CAMTA1: variants seen among roughly 807,000 people sequenced by gnomAD.
CAMTA1 encodes the protein calmodulin-binding transcription activator 1.
CAMTA1 carries 27 observed loss-of-function variants against 170.9 expected under a neutral mutation model. The observed-to-expected ratio is 0.16, with a 90% CI of 0.12 to 0.22. CAMTA1 has a LOEUF of 0.22. Among genes scored for constraint, CAMTA1 ranks in the 10% least tolerant of loss-of-function variants. CAMTA1 has a pLI of 1.00. For missense variants in CAMTA1, 1,619 were observed against 2,217.2 expected, an observed-to-expected ratio of 0.73 and a Z score of 5.42; for synonymous variants, 833 against 891.5, an observed-to-expected ratio of 0.93 and a Z score of 1.17.
Position 7,293,311 on chromosome 1 carries a change from G to T in CAMTA1, c.438+43685G>T, listed in dbSNP as rs1673430509. Among the ~76,000 whole-genome samples, 1 of 152,202 alleles carries T rather than the reference G, an allele frequency of 6.6e-6. No homozygotes were observed. Among genetic ancestry groups the T allele is most frequent in the Admixed American group, 6.5e-5 (1 of 15,280 alleles). On this transcript the variant is annotated intron_variant, in intron 5 of 22. Transcript: ENST00000303635. This position sits in a 1 kb window ranked among gnomAD's most constrained non-coding sequence, Gnocchi z 4.1. ...TGCTGTGACAAGGGATAACGTGCTG[G>T]CAGGCCACTTGTCCAAGAGAATCAT...
At chr1:7,462,063 G>C (rs1213338264) in intron 5 of CAMTA1, among the ~76,000 whole-genome samples, 1 of 152,212 alleles carries the variant, frequency 6.6e-6, no homozygotes, top group Non-Finnish European at 1.5e-5. Context: ...ATCCACACTT[G>C]TCCCAACCTG....
intron 5 of CAMTA1, among the ~76,000 whole-genome samples, chr1:7,288,354 G>T (rs182906922): frequency 3.3e-5 from 5 of 152,286 alleles, no homozygotes; most frequent in Admixed American, 1.3e-4. Flanking sequence ...TTTGCATTGT[G>T]GTTATTTAAT....
intron 6 of CAMTA1, among the ~76,000 whole-genome samples, chr1:7,509,343 G>A (rs780685818): frequency 6.6e-6 from 1 of 152,154 alleles, no homozygotes; most frequent in South Asian, 2.1e-4. Context: ...CCAGATGACA[G>A]AGCTGCCTTC....
intron 6 of CAMTA1, among the ~76,000 whole-genome samples, chr1:7,589,321 G>A (rs752827454): frequency 1.3e-5 from 2 of 152,194 alleles, no homozygotes; most frequent in Admixed American, 1.3e-4. Flanking sequence ...TACACACCCC[G>A]GCCGCTGTGG....
At chr1:7,763,997 C>T (rs1394967075) in intron 22 of CAMTA1, among the ~76,000 whole-genome samples, 1 of 152,166 alleles carries the variant, frequency 6.6e-6, no homozygotes, top group African/African-American at 2.4e-5. Context: ...ATTGCATGTC[C>T]AGAAGCGAAG....
intron 3 of CAMTA1, among the ~76,000 whole-genome samples, chr1:6,835,089 G>T (rs147466921): frequency 6.6e-6 from 1 of 152,202 alleles, no homozygotes; most frequent in Non-Finnish European, 1.5e-5. Context: ...GGGGCTCGAG[G>T]TTCTTCTTTG....
chr1:7,706,996 C>G (rs1475763696), intron 11 of CAMTA1, among the ~76,000 whole-genome samples: 1 of 150,342 alleles, frequency 6.7e-6, no homozygotes, highest in Non-Finnish European at 1.5e-5. Flanking sequence ...AAGTGATTCT[C>G]CTGCCTCAGT....
chr1:7,584,750 G>A (rs1319769332), intron 6 of CAMTA1, among the ~76,000 whole-genome samples: 2 of 152,166 alleles, frequency 1.3e-5, no homozygotes, highest in African/African-American at 4.8e-5. Context: ...AGCTAGACCA[G>A]AGGTCCTCAC....
At chr1:6,871,847 A>G in intron 3 of CAMTA1, 1 of 1,466,994 alleles carries the variant, frequency 6.8e-7, no homozygotes, top group Non-Finnish European at 8.9e-7. Flanking sequence ...CTTGGTAACC[A>G]TTTCATTTTT....
chr1:7,177,900 C>G (rs1651272215), intron 4 of CAMTA1, among the ~76,000 whole-genome samples: 1 of 151,758 alleles, frequency 6.6e-6, no homozygotes, highest in Non-Finnish European at 1.5e-5. Context: ...ACTGAGCCCC[C>G]TCCCTCAGGC....
At chr1:7,529,404 C>A (rs931407158) in intron 6 of CAMTA1, among the ~76,000 whole-genome samples, 8 of 152,142 alleles carry the variant, frequency 5.3e-5, no homozygotes, top group Admixed American at 4.6e-4. Flanking sequence ...TGACGCATAC[C>A]TCCTGGCCTT....
intron 5 of CAMTA1, among the ~76,000 whole-genome samples, chr1:7,396,837 G>T (rs1348563323): frequency 6.6e-6 from 1 of 152,206 alleles, no homozygotes. Flanking sequence ...GCATCCCTGG[G>T]ATGAGTACCA....
At chr1:7,370,914 C>CTTTCTTTTTTT (rs763145705) in intron 5 of CAMTA1, among the ~76,000 whole-genome samples, 7 of 110,010 alleles carry the variant, frequency 6.4e-5, no homozygotes, top group Non-Finnish European at 1.0e-4. Context: ...TTCTTTCTTT[C>CTTTCTTTTTTT]TTTTTTTTTT....
intron 5 of CAMTA1, among the ~76,000 whole-genome samples, chr1:7,310,676 C>CTTTCTTTCTT (rs1676479591): frequency 3.9e-5 from 1 of 25,528 alleles, no homozygotes; most frequent in Non-Finnish European, 6.5e-5. Context: ...TCTTTCCTTT[C>CTTTCTTTCTT]TTTCTCTCTC....
chr1:7,231,311 A>C (rs1296211282), intron 4 of CAMTA1, among the ~76,000 whole-genome samples: 1 of 144,148 alleles, frequency 6.9e-6, no homozygotes, highest in Non-Finnish European at 1.5e-5. Flanking sequence ...CCCAGCATTC[A>C]TCACATACTG....
intron 16 of CAMTA1, among the ~76,000 whole-genome samples, chr1:7,740,301 C>T (rs899535151): frequency 6.6e-6 from 1 of 152,214 alleles, no homozygotes; most frequent in Non-Finnish European, 1.5e-5. Flanking sequence ...AGCACCAAAG[C>T]AGCCTTAGCA....
At chr1:7,275,786 A>T (rs1444765502) in intron 5 of CAMTA1, among the ~76,000 whole-genome samples, 2 of 152,168 alleles carry the variant, frequency 1.3e-5, no homozygotes, top group Admixed American at 1.3e-4. Flanking sequence ...CCAAAAAGAA[A>T]CCTCCTTCAT....
In CAMTA1 at chr1:7,664,417, C is replaced by A. The variant is rs763477723; in HGVS notation, c.1870C>A (p.Pro624Thr). The change falls in exon 9 of 23, where the codon CCC becomes ACC. Residue 624 changes from proline (P) to threonine (T), a missense_variant. This residue lies in a region of CAMTA1 where 731 missense variants were observed against 907.6 expected (regional missense o/e 0.81). Transcript: ENST00000303635. ...CTTCTTCCTGCAGGACGCCAGCAAACCCCTCCCCGTCGAGCAGAACACCCA... is the reference window on the plus strand; with the variant it reads ...CTTCTTCCTGCAGGACGCCAGCAAAACCCTCCCCGTCGAGCAGAACACCCA... ...PSFFLQDASK[P>T]LPVEQNTHSS... 1.4e-5 allele frequency: 22 copies of A among 1,613,388 alleles called. 1 individual carries two copies. The South Asian group carries it at 2.4e-4, about 18-fold the overall frequency.
intron 4 of CAMTA1, among the ~76,000 whole-genome samples, chr1:7,118,398 GTC>G (rs984945947): frequency 6.7e-6 from 1 of 150,216 alleles, no homozygotes; most frequent in African/African-American, 2.5e-5. Context: ...GCTCAAGTGA[GTC>G]TCTCACTTCA....
Sources: allele counts gnomAD v4.1 joint callset (sites outside exome capture counted in the v4.1 genomes callset), GRCh38; gene constraint gnomAD v4.1.1; regional missense constraint gnomAD v4.1.1; non-coding constraint Gnocchi (gnomAD v3.1); transcripts MANE v1.5; gene names NCBI Gene and HGNC (gene_info 2026-07-23, HGNC 2026-07-21).